HS6ST3: variants seen among roughly 807,000 people sequenced by gnomAD.
The protein encoded by HS6ST3 is heparan sulfate 6-O-sulfotransferase 3.
HS6ST3 carries 12 observed loss-of-function variants against 36.7 expected under a neutral mutation model. The observed-to-expected ratio is 0.33, with a 90% confidence interval of 0.21 to 0.53. The LOEUF (loss-of-function observed/expected upper bound fraction) is 0.53. Among genes scored for constraint, HS6ST3 ranks in the 20% least tolerant of loss-of-function variants. The pLI, the probability that HS6ST3 is intolerant of heterozygous loss-of-function variation, is 0.95. For synonymous variants in HS6ST3, 240 were observed against 257.5 expected, an observed-to-expected ratio of 0.93 and a Z score of 0.65; for missense variants, 584 against 640.9, an observed-to-expected ratio of 0.91 and a Z score of 0.96.
chr13:96,091,107 C>G lies in HS6ST3; in HGVS notation c.245C>G (p.Pro82Arg), dbSNP rs1449421544. The change falls in exon 1 of 2, where the codon CCT (proline) becomes CGT (arginine). Residue 82 changes from proline (P) to arginine (R), a missense_variant. Coordinates refer to ENST00000376705, the MANE Select transcript of HS6ST3 (RefSeq NM_153456.4). ...CCGCCCCGGGGGCCCCCCGAGGGACCTCGGGGGGCCGCGGCGCCGGAGGAG... is the reference window on the plus strand; with the variant it reads ...CCGCCCCGGGGGCCCCCCGAGGGACGTCGGGGGGCCGCGGCGCCGGAGGAG... ...PPPPRGPPEG[P>R]RGAAAPEEED... The G allele has an allele frequency of 3.5e-6, 5 of 1,417,120 alleles. No individual in the cohort carries two copies. The highest frequency in any genetic ancestry group is 2.4e-4 in the Middle Eastern group (1 of 4,166). 87.8% of individuals were successfully genotyped at this position (1,417,120 alleles called of 1,614,324 possible).
chr13:96,106,003 T>C, intron 1 of HS6ST3, among the ~76,000 whole-genome samples: 1 of 152,134 alleles, frequency 6.6e-6, no homozygotes, highest in Admixed American at 6.5e-5. Context: ...CAGTGAAGGG[T>C]TTATATTGAC....
chr13:96,160,271 G>A (rs1219876141), intron 1 of HS6ST3, among the ~76,000 whole-genome samples: 2 of 152,170 alleles, frequency 1.3e-5, no homozygotes, highest in Non-Finnish European at 2.9e-5. Context: ...TTCTGAAGAG[G>A]TTGACTTAAT....
In HS6ST3 at chr13:96,378,357, G is replaced by A. The variant is rs78268689; in HGVS notation, c.707+286788G>A. On this transcript the variant is annotated intron_variant, in intron 1 of 1. Transcript: ENST00000376705. Reference sequence around the variant, plus strand: ...AGTAGTTTCTGACTTAGCTTCGGAAGAGGTGTGAGGGCTTCCCTGAGGCTT... The same window carrying A: ...AGTAGTTTCTGACTTAGCTTCGGAAAAGGTGTGAGGGCTTCCCTGAGGCTT... Among the ~76,000 whole-genome samples the A allele has an allele frequency of 7.4e-3, 1,131 of 152,284 alleles. 14 individuals carry two copies. Among genetic ancestry groups the A allele is most frequent in the African/African-American group, 0.026 (1,091 of 41,558 alleles).
intron 1 of HS6ST3, among the ~76,000 whole-genome samples, chr13:96,687,023 T>C (rs1469408255): frequency 6.6e-6 from 1 of 151,982 alleles, no homozygotes; most frequent in African/African-American, 2.4e-5. Context: ...CCTCAGGGCC[T>C]CTTTTCTCCT....
chr13:96,311,328 C>T (rs2054940046), intron 1 of HS6ST3, among the ~76,000 whole-genome samples: 1 of 152,160 alleles, frequency 6.6e-6, no homozygotes, highest in African/African-American at 2.4e-5. Flanking sequence ...GCCACAACCT[C>T]TGTAACTGTG....
chr13:96,277,415 C>T (rs908183499), intron 1 of HS6ST3, among the ~76,000 whole-genome samples: 5 of 152,066 alleles, frequency 3.3e-5, no homozygotes, highest in African/African-American at 1.2e-4. Flanking sequence ...GGTGTACAGT[C>T]GATACCACTG....
At chr13:96,231,880 C>G (rs1343096499) in intron 1 of HS6ST3, among the ~76,000 whole-genome samples, 1 of 152,118 alleles carries the variant, frequency 6.6e-6, no homozygotes, top group African/African-American at 2.4e-5. Flanking sequence ...TCTGTACTGA[C>G]CAGTCATAAA....
Position 96,641,496 on chromosome 13 carries a change from T to C in HS6ST3, c.708-190994T>C, listed in dbSNP as rs148371086. Among the ~76,000 whole-genome samples, 35 of 151,956 alleles carry C rather than the reference T, an allele frequency of 2.3e-4. No individual in the cohort carries two copies. The East Asian group carries it at 6.4e-3, about 28-fold the overall frequency. On this transcript the variant is annotated intron_variant, in intron 1 of 1. Coordinates refer to ENST00000376705, the MANE Select transcript of HS6ST3 (RefSeq NM_153456.4). ...CCTCTTAATTGAAACATTCACTCCATTTATATTTAAGGCAATTACTGATAA... is the reference window on the plus strand; with the variant it reads ...CCTCTTAATTGAAACATTCACTCCACTTATATTTAAGGCAATTACTGATAA...
intron 1 of HS6ST3, among the ~76,000 whole-genome samples, chr13:96,365,213 G>C (rs2055257323): frequency 6.6e-6 from 1 of 152,172 alleles, no homozygotes; most frequent in South Asian, 2.1e-4. Flanking sequence ...TGCCAGGTCT[G>C]GGAGGAGGAA....
intron 1 of HS6ST3, among the ~76,000 whole-genome samples, chr13:96,309,805 T>C (rs566808027): frequency 6.6e-6 from 1 of 152,272 alleles, no homozygotes; most frequent in African/African-American, 2.4e-5. Flanking sequence ...TTCAATTTTT[T>C]TAAAATTTAA....
intron 1 of HS6ST3, among the ~76,000 whole-genome samples, chr13:96,410,586 A>G (rs1040082903): frequency 2.8e-4 from 43 of 152,304 alleles, no homozygotes; most frequent in African/African-American, 1.0e-3. Context: ...AAAAAAGTAA[A>G]TGTCTATAAT....
At chr13:96,530,431 G>C (rs564132791) in intron 1 of HS6ST3, among the ~76,000 whole-genome samples, 1 of 152,022 alleles carries the variant, frequency 6.6e-6, no homozygotes, top group East Asian at 1.9e-4. Flanking sequence ...GACCCAAATA[G>C]AAGCCTCAGA....
chr13:96,580,121 A>G (rs146960404), intron 1 of HS6ST3, among the ~76,000 whole-genome samples: 50 of 151,180 alleles, frequency 3.3e-4, no homozygotes, highest in Middle Eastern at 3.5e-3. Context: ...GCCTTCTAAG[A>G]GTCAATTTGA....
intron 1 of HS6ST3, among the ~76,000 whole-genome samples, chr13:96,637,384 A>G (rs961638043): frequency 2.0e-5 from 3 of 152,150 alleles, no homozygotes; most frequent in Admixed American, 1.3e-4. Flanking sequence ...TGAGAAAAAT[A>G]CAGCACACAT....
intron 1 of HS6ST3, among the ~76,000 whole-genome samples, chr13:96,618,966 T>C (rs1475622518): frequency 6.6e-6 from 1 of 151,724 alleles, no homozygotes; most frequent in Admixed American, 6.6e-5. Flanking sequence ...CATTTACATT[T>C]AGCAAATATT....
At chr13:96,154,472 T>C (rs1423912966) in intron 1 of HS6ST3, among the ~76,000 whole-genome samples, 1 of 152,158 alleles carries the variant, frequency 6.6e-6, no homozygotes, top group Admixed American at 6.5e-5. Flanking sequence ...TTAATTTTCA[T>C]CTATTAATGA....
At chr13:96,615,209 CTA>C (rs1175107308) in intron 1 of HS6ST3, among the ~76,000 whole-genome samples, 1 of 152,152 alleles carries the variant, frequency 6.6e-6, no homozygotes, top group Non-Finnish European at 1.5e-5. Flanking sequence ...CTTACAAAGA[CTA>C]TTGCTTCAAA....
At position 96,613,324 on chromosome 13, in the gene HS6ST3, A is replaced by C. The variant is rs370288615; in HGVS notation, c.708-219166A>C. ...AACATTTCCATTTTATACACAGAAA[A>C]TTGAAGCACAGAGAGGTTAAATAAA... is the stretch of plus-strand genomic sequence containing the variant. On this transcript the variant is annotated intron_variant, in intron 1 of 1. Transcript: ENST00000376705. Among the ~76,000 whole-genome samples the C allele has an allele frequency of 5.6e-4, 85 of 152,328 alleles. 1 individual carries two copies. In the Middle Eastern group the frequency reaches 0.024, roughly 43 times the overall value.
intron 1 of HS6ST3, among the ~76,000 whole-genome samples, chr13:96,465,011 T>C (rs1190069738): frequency 3.3e-5 from 5 of 150,398 alleles, no homozygotes; most frequent in Admixed American, 1.3e-4. Context: ...CGAGGAACTT[T>C]AATGGCGAAG....
Sources: allele counts gnomAD v4.1 joint callset (sites outside exome capture counted in the v4.1 genomes callset), GRCh38; gene constraint gnomAD v4.1.1; transcripts MANE v1.5; gene names NCBI Gene and HGNC (gene_info 2026-07-23, HGNC 2026-07-21).